AQR: variants seen among roughly 807,000 people sequenced by gnomAD.
The protein encoded by AQR is aquarius intron-binding spliceosomal factor.
Under a neutral mutation model 180.5 loss-of-function variants are expected in AQR, and 61 were observed. That is an observed-to-expected ratio of 0.34 (90% CI 0.28 to 0.42). The LOEUF (loss-of-function observed/expected upper bound fraction) is 0.42. AQR is among the 10% of genes least tolerant of loss of function. The probability of loss-of-function intolerance (pLI) is 1.00; values close to 1 mark genes in which losing one functional copy is unlikely to be tolerated. For missense variants in AQR, 1,281 were observed against 1,798.3 expected, an observed-to-expected ratio of 0.71 and a Z score of 5.20; for synonymous variants, 551 against 588.8, an observed-to-expected ratio of 0.94 and a Z score of 0.93.
intron 11 of AQR, among the ~76,000 whole-genome samples, chr15:34,931,133 G>C (rs1359787835): frequency 6.6e-6 from 1 of 152,110 alleles, no homozygotes; most frequent in African/African-American, 2.4e-5. Flanking sequence ...ACCGCGCCCG[G>C]CTGTGCTGCT....
chr15:34,860,331 T>A (rs971341313), intron 33 of AQR, among the ~76,000 whole-genome samples, 176 bp from the exon 34 acceptor site: 2 of 151,490 alleles, frequency 1.3e-5, no homozygotes, highest in Admixed American at 6.6e-5. Context: ...TCATGAATGT[T>A]AAAAAAAGAC....
chr15:34,875,846 T>TC, intron 28 of AQR, 89 bp downstream of exon 28: 1 of 963,780 alleles, frequency 1.0e-6, no homozygotes, highest in South Asian at 1.5e-5. Flanking sequence ...ACTATGGCAA[T>TC]CAGCACACCC....
chr15:34,896,886 A>G lies in AQR; in HGVS notation c.2460+11T>C, dbSNP rs561781300. 1.9e-6 allele frequency: 3 copies of G among 1,603,974 alleles called. No individual in the cohort carries two copies. In the Admixed American group the frequency reaches 5.0e-5, roughly 27 times the overall value. The stretch of plus-strand genomic sequence containing the variant: ...AAACAAACAAACAAACAGGTGTAAC[A>G]ATTCTCTTACCATAGTCAGCCCAGG... On this transcript the variant is annotated intron_variant, in intron 22 of 34. Transcript: ENST00000156471.
intron 31 of AQR, chr15:34,869,021 T>C (rs1299623357): frequency 6.6e-6 from 1 of 152,130 alleles, no homozygotes; most frequent in Non-Finnish European, 1.5e-5. Flanking sequence ...AGGAGTGAAA[T>C]TGCTGAGCTG....
At chr15:34,891,000 A>G (rs191782022) in intron 23 of AQR, among the ~76,000 whole-genome samples, 1 of 152,258 alleles carries the variant, frequency 6.6e-6, no homozygotes, top group Admixed American at 6.5e-5. Flanking sequence ...CTCACTAATT[A>G]AGGTACTATT....
intron 12 of AQR, among the ~76,000 whole-genome samples, chr15:34,928,953 A>G (rs1450238400): frequency 4.6e-5 from 7 of 152,054 alleles, no homozygotes; most frequent in Non-Finnish European, 5.9e-5. Context: ...AGTGATGTTG[A>G]GTTTTTCTTC....
rs80093103 is a variant in AQR, at chr15:34,906,678, G to A, written c.1698C>T (p.Thr566=). 109,259 of 1,613,546 alleles carry A rather than the reference G, an allele frequency of 0.068. 3,971 individuals are homozygous for A. The highest frequency in any genetic ancestry group is 0.079 in the Middle Eastern group (476 of 6,058). The change falls in exon 18 of 35, where the codon ACC becomes ACT. Residue 566 remains threonine, a synonymous_variant. Coordinates refer to ENST00000156471, the MANE Select transcript of AQR (RefSeq NM_014691.3). Reference sequence around the variant, plus strand: ...TGCCATAAGGTTTTGTGGGACGTACGGTAATTAAAAAGCATACATCATGCT... The same window carrying A: ...TGCCATAAGGTTTTGTGGGACGTACAGTAATTAAAAAGCATACATCATGCT... ...LRKHDVCFLI[T]VRPTKPYGTK...
chr15:34,923,295 C>A (rs80318875), intron 13 of AQR, among the ~76,000 whole-genome samples: 1 of 152,112 alleles, frequency 6.6e-6, no homozygotes, highest in South Asian at 2.1e-4. Context: ...ACATCCCCTG[C>A]GGAAAGTAGG....
intron 20 of AQR, among the ~76,000 whole-genome samples, chr15:34,899,949 G>A (rs1893305359): frequency 6.6e-6 from 1 of 152,092 alleles, no homozygotes; most frequent in Admixed American, 6.5e-5. Flanking sequence ...CTGGAGTACA[G>A]TGGCACAACC....
Position 34,878,385 on chromosome 15 carries a change from C to CCA in AQR, c.3166-2380_3166-2379insTG, listed in dbSNP as rs768038496. ...TGGGAAAAAGAATGAGACTCTGTCT[C>CCA]AAAAAAAAAAAAAAAAAAAAAAAAA... On this transcript the variant is annotated intron_variant, in intron 27 of 34. Transcript: ENST00000156471. Among the ~76,000 whole-genome samples the CCA allele has an allele frequency of 5.8e-3, 244 of 41,728 alleles. 3 individuals are homozygous for CCA. The highest frequency in any genetic ancestry group is 0.021 in the African/African-American group (228 of 10,718). The allele number at this position is 41,728 out of a possible 152,430, so 27.4% of individuals were successfully genotyped here.
In AQR at chr15:34,915,108, G is replaced by C. The variant is rs1283659495; in HGVS notation, c.1414C>G (p.Leu472Val). The change falls in exon 16 of 35, where the codon CTC becomes GTC. Residue 472 changes from leucine (L) to valine (V), a missense_variant. Coordinates refer to ENST00000156471, the MANE Select transcript of AQR (RefSeq NM_014691.3). ...TCATAAGTTGATTCTAAGCGGAAGAGGTTAAAGTTCCTTAGCAGGTAGTCA... is the reference window on the plus strand; with the variant it reads ...TCATAAGTTGATTCTAAGCGGAAGACGTTAAAGTTCCTTAGCAGGTAGTCA... Reference protein sequence around the residue: ...LHDYLLRNFNLFRLESTYEIR... With the variant: ...LHDYLLRNFNVFRLESTYEIR... 6.2e-7 allele frequency: 1 copy of C among 1,613,454 alleles called. No homozygotes were observed. The highest frequency in any genetic ancestry group is 8.5e-7 in the Non-Finnish European group (1 of 1,179,878).
chr15:34,947,007 G>A (rs1894137695), intron 5 of AQR, among the ~76,000 whole-genome samples: 1 of 152,240 alleles, frequency 6.6e-6, no homozygotes, highest in Non-Finnish European at 1.5e-5. Context: ...CGTCTGGGAG[G>A]TGTGCCCAAC....
intron 5 of AQR, among the ~76,000 whole-genome samples, chr15:34,946,325 CT>C (rs1044425944): frequency 6.6e-6 from 1 of 152,216 alleles, no homozygotes; most frequent in Non-Finnish European, 1.5e-5. Flanking sequence ...TCTGTCTTGA[CT>C]TTGGTAACTT....
intron 23 of AQR, 50 bp downstream of exon 23, chr15:34,893,613 A>G (rs370012565): frequency 0.12 from 94,819 of 778,800 alleles, 1,522 homozygotes; most frequent in East Asian, 0.14. Flanking sequence ...GCGTGCACAC[A>G]CACACACACA....
intron 19 of AQR, 60 bp from the exon 20 acceptor site, chr15:34,900,923 A>G (rs1893322849): frequency 6.6e-7 from 1 of 1,521,796 alleles, no homozygotes; most frequent in Middle Eastern, 1.8e-4. Context: ...ATTTGCACTT[A>G]CTGGAATGCA....
rs752486046 is a variant in AQR, at chr15:34,915,041, G to A, written c.1481C>T (p.Pro494Leu). The A allele has an allele frequency of 4.2e-5, 67 of 1,600,576 alleles. No homozygotes were observed. The East Asian group carries it at 1.5e-3, about 35-fold the overall frequency. The change falls in exon 16 of 35, where the codon CCA becomes CTA. Residue 494 changes from proline to leucine, a missense_variant. By Grantham distance (98) the Pro-to-Leu change is moderately conservative (BLOSUM62 -3). Coordinates refer to ENST00000156471, the MANE Select transcript of AQR (RefSeq NM_014691.3). Reference sequence around the variant, plus strand: ...CAGGTGGAACCAATTTACTAACCATGGCTTCATTCTGCTGACACTATCTTC... The same window carrying A: ...CAGGTGGAACCAATTTACTAACCATAGCTTCATTCTGCTGACACTATCTTC... ...DIEDSVSRMK[P>L]WQSEYGGVVF...
intron 14 of AQR, among the ~76,000 whole-genome samples, chr15:34,918,624 C>T (rs917499177): frequency 4.6e-5 from 7 of 152,184 alleles, no homozygotes; most frequent in Non-Finnish European, 8.8e-5. Flanking sequence ...AAGCTGGGCA[C>T]GTTACTTTAA....
intron 1 of AQR, among the ~76,000 whole-genome samples, chr15:34,964,782 T>C (rs887792140): frequency 5.9e-5 from 9 of 151,698 alleles, no homozygotes; most frequent in African/African-American, 1.9e-4. Flanking sequence ...AATTGTAGTC[T>C]ATCGGCTGCT....
At position 34,856,905 on chromosome 15, in the gene AQR, C is replaced by A; in HGVS notation, c.4345G>T (p.Glu1449Ter). The A allele has an allele frequency of 6.2e-7, 1 of 1,614,076 alleles. No homozygotes were observed. Among genetic ancestry groups the A allele is most frequent in the African/African-American group, 1.3e-5 (1 of 75,044 alleles). Reference protein sequence around the residue: ...PSETGATSTPEAIPALSETTP... With the variant: ...PSETGATSTP ...GTCTCAGATAAAGCAGGGATGGCTTCTGGAGTGGAAGTGGCTCCTGTCTCA... is the reference window on the plus strand; with the variant it reads ...GTCTCAGATAAAGCAGGGATGGCTTATGGAGTGGAAGTGGCTCCTGTCTCA... The change falls in exon 35 of 35, where the codon GAA (glutamate) becomes TAA (stop). Residue 1449 changes from glutamate to a stop codon, truncating the protein, a stop_gained. Transcript: ENST00000156471. LOFTEE classifies it low-confidence loss of function (END_TRUNC).
Sources: gnomAD v4.1 joint callset for allele counts (sites outside exome capture counted in the v4.1 genomes callset) on GRCh38, gnomAD v4.1.1 for gene constraint, MANE v1.5 for transcripts, NCBI Gene and HGNC (gene_info 2026-07-23, HGNC 2026-07-21) for gene names.